Variants in ADK observed in about 807,000 individuals in gnomAD.
ADK encodes adenosine kinase, also known as N6,N6-dimethyladenosine kinase.
A neutral mutation model predicts 44.7 loss-of-function variants in ADK; 24 were observed. That is an observed-to-expected ratio of 0.54 (90% CI 0.39 to 0.76). The LOEUF (loss-of-function observed/expected upper bound fraction) is 0.76, where lower values mean the gene tolerates loss of function less well. Among genes scored for constraint, ADK ranks in the 30% least tolerant of loss-of-function variants. The pLI, the probability that ADK is intolerant of heterozygous loss-of-function variation, is 0.00. For missense variants in ADK, 321 were observed against 425.1 expected (o/e 0.76, Z 2.15); for synonymous variants, 128 against 142.6 (o/e 0.90, Z 0.73).
chr10:74,614,402 T>C (rs1036609636), intron 9 of ADK, among the ~76,000 whole-genome samples: 1 of 152,268 alleles, frequency 6.6e-6, no homozygotes, highest in South Asian at 2.1e-4. Flanking sequence ...CCACAGACTA[T>C]AGACCACCTT....
At chr10:74,519,310 TTTAAA>T (rs1848716679) in intron 6 of ADK, among the ~76,000 whole-genome samples, 1 of 151,986 alleles carries the variant, frequency 6.6e-6, no homozygotes, top group African/African-American at 2.4e-5. Context: ...AATTTTTACA[TTTAAA>T]TTAATGAAAG....
chr10:74,539,305 G>A (rs1384371662), intron 7 of ADK, among the ~76,000 whole-genome samples: 2 of 152,142 alleles, frequency 1.3e-5, no homozygotes, highest in African/African-American at 2.4e-5. Context: ...TGGGATTACA[G>A]GCATGAGCGA....
chr10:74,645,161 C>G (rs148394465), intron 9 of ADK, among the ~76,000 whole-genome samples: 2 of 152,218 alleles, frequency 1.3e-5, no homozygotes, highest in Non-Finnish European at 2.9e-5. Context: ...TCCCCTACCC[C>G]CTGCCCCAAG....
At chr10:74,554,291 C>T (rs1345909908) in intron 7 of ADK, among the ~76,000 whole-genome samples, 1 of 152,106 alleles carries the variant, frequency 6.6e-6, no homozygotes, top group African/African-American at 2.4e-5. Context: ...TGCCTCCCTC[C>T]TCATTTGAAG....
At chr10:74,329,713 C>A (rs1689250023) in intron 4 of ADK, among the ~76,000 whole-genome samples, 1 of 152,046 alleles carries the variant, frequency 6.6e-6, no homozygotes, top group South Asian at 2.1e-4. Flanking sequence ...AATTTATGAG[C>A]ATTTTAGAAA....
intron 1 of ADK, among the ~76,000 whole-genome samples, chr10:74,170,776 G>A (rs1345734213): frequency 6.7e-5 from 10 of 149,180 alleles, no homozygotes. Context: ...CTCCAGCCTG[G>A]GCGACAGAGC....
chr10:74,547,359 A>T (rs1849857850), intron 7 of ADK, among the ~76,000 whole-genome samples: 2 of 151,236 alleles, frequency 1.3e-5, no homozygotes, highest in South Asian at 4.1e-4. Context: ...ATTTATAAAG[A>T]GTGTTGTCAA....
chr10:74,278,438 A>AT (rs553980466), intron 3 of ADK, among the ~76,000 whole-genome samples: 4 of 149,106 alleles, frequency 2.7e-5, no homozygotes, highest in East Asian at 3.9e-4. Flanking sequence ...TTTTTTCCAG[A>AT]TTTTTTTGGC....
chr10:74,648,671 C>T (rs1249117513), intron 9 of ADK, among the ~76,000 whole-genome samples: 1 of 150,604 alleles, frequency 6.6e-6, no homozygotes, highest in Non-Finnish European at 1.5e-5. Flanking sequence ...AGCGAGACTC[C>T]ATCTCAAAAA....
intron 6 of ADK, among the ~76,000 whole-genome samples, chr10:74,402,208 A>C (rs938613556): frequency 3.9e-5 from 6 of 152,016 alleles, no homozygotes; most frequent in African/African-American, 1.4e-4. Context: ...GAATCTGACA[A>C]TTATGTGTCT....
chr10:74,240,643 TTGAC>T (rs1309268564), intron 3 of ADK, among the ~76,000 whole-genome samples: 2 of 152,306 alleles, frequency 1.3e-5, no homozygotes, highest in African/African-American at 2.4e-5. Context: ...ATTGTATTTG[TTGAC>T]TGACTGATTT....
chr10:74,688,565 T>A (rs2134256590), intron 10 of ADK, among the ~76,000 whole-genome samples: 1 of 152,318 alleles, frequency 6.6e-6, no homozygotes, highest in South Asian at 2.1e-4. Flanking sequence ...GGGGTTAGAA[T>A]AAGTCAGGAA....
chr10:74,404,165 C>A (rs1299912606), intron 6 of ADK, among the ~76,000 whole-genome samples: 1 of 135,936 alleles, frequency 7.4e-6, no homozygotes, highest in African/African-American at 2.6e-5. Context: ...AGCCACCACA[C>A]CCAGCCTAAT....
chr10:74,527,643 G>A (rs1849108337), intron 7 of ADK: 1 of 829,212 alleles, frequency 1.2e-6, no homozygotes, highest in African/African-American at 1.7e-5. Context: ...TATGGCCTCT[G>A]AATATTTTGG....
chr10:74,236,237 C>G (rs999469368), intron 3 of ADK, among the ~76,000 whole-genome samples: 2 of 152,116 alleles, frequency 1.3e-5, no homozygotes, highest in Non-Finnish European at 1.5e-5. Flanking sequence ...AATGAGCGAA[C>G]TGATTTCAAC....
chr10:74,268,465 G>A (rs1262049117), intron 3 of ADK, among the ~76,000 whole-genome samples: 2 of 151,580 alleles, frequency 1.3e-5, no homozygotes, highest in African/African-American at 4.9e-5. Flanking sequence ...ACTTCTCAGA[G>A]TCCATTTCCT....
At chr10:74,469,182 T>C (rs1304033713) in intron 6 of ADK, among the ~76,000 whole-genome samples, 3 of 151,718 alleles carry the variant, frequency 2.0e-5, no homozygotes, top group Non-Finnish European at 4.4e-5. Flanking sequence ...TACAAAAAAT[T>C]ATGAAAATTA....
intron 2 of ADK, among the ~76,000 whole-genome samples, chr10:74,223,868 C>G (rs559671798): frequency 6.6e-6 from 1 of 152,212 alleles, no homozygotes; most frequent in African/African-American, 2.4e-5. Context: ...GTGGTTGGAT[C>G]ACTTGTGGTC....
chr10:74,515,824 T>C (rs1564767143), intron 6 of ADK, among the ~76,000 whole-genome samples: 1 of 152,130 alleles, frequency 6.6e-6, no homozygotes, highest in East Asian at 1.9e-4. Flanking sequence ...CTGTTGGTGG[T>C]ATGGCCATGG....
Sources: allele counts gnomAD v4.1 joint callset (sites outside exome capture counted in the v4.1 genomes callset), GRCh38; gene constraint gnomAD v4.1.1; transcripts MANE v1.5; gene names NCBI Gene and HGNC (gene_info 2026-07-23, HGNC 2026-07-21).